OR2L13: variants seen among roughly 807,000 people sequenced by gnomAD.
The protein encoded by OR2L13 is olfactory receptor 2L13.
Under a neutral mutation model 15.3 loss-of-function variants are expected in OR2L13, and 14 were observed. That is an observed-to-expected ratio of 0.91 (90% CI 0.60 to 1.43). The LOEUF (loss-of-function observed/expected upper bound fraction) is 1.43, where lower values mean the gene tolerates loss of function less well. Among genes scored for constraint, OR2L13 ranks in the 40% most tolerant of loss-of-function variants. The pLI, the probability that OR2L13 is intolerant of heterozygous loss-of-function variation, is 0.00. For missense variants in OR2L13, 367 were observed against 387.9 expected, an observed-to-expected ratio of 0.95 and a Z score of 0.45; for synonymous variants, 152 against 142.9, an observed-to-expected ratio of 1.06 and a Z score of -0.45.
chr1:247,945,571 C>T, the OR2L13 span, among the ~76,000 whole-genome samples: 5 of 151,988 alleles, frequency 3.3e-5, no homozygotes, highest in Admixed American at 2.6e-4. Context: ...TTCTCTGGCT[C>T]AAGATCTAAT....
At chr1:248,037,281 T>C in the OR2L13 span, among the ~76,000 whole-genome samples, 45 of 152,268 alleles carry the variant, frequency 3.0e-4, no homozygotes, top group African/African-American at 8.9e-4. Flanking sequence ...AAATATAAGT[T>C]CCTCCAAATG....
the OR2L13 span, chr1:248,055,761 CAGTGAGACTCCGTCTCA>C: frequency 6.6e-6 from 1 of 152,176 alleles, no homozygotes; most frequent in South Asian, 2.1e-4. Context: ...GACTGGATGA[CAGTGAGACTCCGTCTCA>C]AGGAAAAAAA....
chr1:248,021,884 T>TG, the OR2L13 span: 1 of 1,318,576 alleles, frequency 7.6e-7, no homozygotes. Context: ...CTGCAGATAA[T>TG]GGGGAACTAC....
chr1:247,945,983 A>G, the OR2L13 span, among the ~76,000 whole-genome samples: 1 of 152,172 alleles, frequency 6.6e-6, no homozygotes, highest in African/African-American at 2.4e-5. Flanking sequence ...CGATAAATAA[A>G]TATGTAGGAT....
At chr1:247,941,653 G>T in the OR2L13 span, among the ~76,000 whole-genome samples, 1 of 151,290 alleles carries the variant, frequency 6.6e-6, no homozygotes, top group Non-Finnish European at 1.5e-5. Context: ...GAGAGAGAGA[G>T]AGAGACCTTG....
At chr1:247,965,909 T>C in the OR2L13 span, 2 of 1,612,302 alleles carry the variant, frequency 1.2e-6, no homozygotes, top group Non-Finnish European at 1.7e-6. Flanking sequence ...AACCACTTTT[T>C]CTGTGAAGTT....
rs1489514045 is a variant in OR2L13 at position 248,098,753 on chromosome 1, A to G, written c.-41A>G. On this transcript the variant is annotated 5_prime_UTR_variant, in exon 2 of 3. It removes an upstream start codon present in the reference 5' UTR. Transcript: ENST00000641714. ...TCAGACAGAAGAGCACACACAAAAC[A>G]TGACCTCTCACTCCAAGCCCAGGTA... is the stretch of plus-strand genomic sequence containing the variant. The G allele has an allele frequency of 6.6e-6, 1 of 152,378 alleles. No individual in the cohort carries two copies. The highest frequency in any genetic ancestry group is 1.9e-4 in the East Asian group (1 of 5,204). 9.4% of individuals were successfully genotyped at this position (152,378 alleles called of 1,614,324 possible).
chr1:248,069,348 C>G, the OR2L13 span, among the ~76,000 whole-genome samples: 12,998 of 152,172 alleles, frequency 0.085, 573 homozygotes, highest in East Asian at 0.16. Flanking sequence ...GAATTTTCCA[C>G]CCAGAATTTC....
chr1:248,026,635 C>A, the OR2L13 span, among the ~76,000 whole-genome samples: 1 of 152,274 alleles, frequency 6.6e-6, no homozygotes, highest in Admixed American at 6.5e-5. Flanking sequence ...GAAGCCATGG[C>A]AGAAGAACAT....
At chr1:248,062,628 A>G in the OR2L13 span, 1 of 152,242 alleles carries the variant, frequency 6.6e-6, no homozygotes, top group African/African-American at 2.4e-5. Context: ...AAATATAATT[A>G]GATAGAATGA....
At chr1:248,043,653 G>A in the OR2L13 span, among the ~76,000 whole-genome samples, 1 of 152,254 alleles carries the variant, frequency 6.6e-6, no homozygotes, top group Non-Finnish European at 1.5e-5. Flanking sequence ...CCAAAAGAGG[G>A]TTCATGGATC....
upstream of OR2L13, among the ~76,000 whole-genome samples, chr1:248,090,249 T>C (rs1246296286): frequency 1.3e-5 from 2 of 152,174 alleles, no homozygotes; most frequent in Admixed American, 6.5e-5. Flanking sequence ...TCAGGGTATG[T>C]AAATGTGTTT....
At chr1:247,971,958 A>C in the OR2L13 span, among the ~76,000 whole-genome samples, 6,957 of 152,290 alleles carry the variant, frequency 0.046, 496 homozygotes, top group African/African-American at 0.16. Context: ...ACTCAGGGTT[A>C]AGGGACTCAC....
chr1:247,994,375 C>T, the OR2L13 span, among the ~76,000 whole-genome samples: 247 of 152,076 alleles, frequency 1.6e-3, 1 homozygote, highest in African/African-American at 4.9e-3. Context: ...CCAGCCGGGG[C>T]GACAGAGCGA....
At chr1:248,054,680 G>A in the OR2L13 span, among the ~76,000 whole-genome samples, 1 of 152,012 alleles carries the variant, frequency 6.6e-6, no homozygotes. Flanking sequence ...TGTATTCCCA[G>A]GTATTTTATT....
the OR2L13 span, among the ~76,000 whole-genome samples, chr1:247,969,451 AT>A: frequency 5.4e-4 from 82 of 152,286 alleles, no homozygotes; most frequent in Non-Finnish European, 9.7e-4. Context: ...ACGTTCCCCT[AT>A]GTTATTACTA....
At chr1:248,048,448 G>A in the OR2L13 span, among the ~76,000 whole-genome samples, 1 of 152,172 alleles carries the variant, frequency 6.6e-6, no homozygotes, top group Non-Finnish European at 1.5e-5. Context: ...GGAATCTCCT[G>A]TAGGATTCCA....
At chr1:247,968,387 C>T in the OR2L13 span, among the ~76,000 whole-genome samples, 2 of 152,008 alleles carry the variant, frequency 1.3e-5, no homozygotes, top group African/African-American at 4.8e-5. Flanking sequence ...GGTACATGTG[C>T]ACACTGTGCA....
chr1:248,046,120 C>A, the OR2L13 span, among the ~76,000 whole-genome samples: 13 of 151,966 alleles, frequency 8.6e-5, no homozygotes, highest in Admixed American at 3.3e-4. Flanking sequence ...AAATTCAATT[C>A]AATTAATAAA....
Sources: gnomAD v4.1 joint callset for allele counts (sites outside exome capture counted in the v4.1 genomes callset) on GRCh38, gnomAD v4.1.1 for gene constraint, MANE v1.5 for transcripts, NCBI Gene and HGNC (gene_info 2026-07-23, HGNC 2026-07-21) for gene names.